The following MKLN1 variants were observed in gnomAD, a reference collection of about 807,000 sequenced individuals.
The protein encoded by MKLN1 is muskelin.
MKLN1 carries 18 observed loss-of-function variants against 99.0 expected under a neutral mutation model. The ratio of observed to expected loss-of-function variants is 0.18; its 90% confidence interval spans 0.13 to 0.27. The LOEUF (loss-of-function observed/expected upper bound fraction) is 0.27, where lower values mean the gene tolerates loss of function less well. MKLN1 is among the 10% of genes least tolerant of loss of function. The pLI is 1.00. For synonymous variants in MKLN1, 288 were observed against 293.2 expected (o/e 0.98, Z 0.18); for missense variants, 621 against 875.9 (o/e 0.71, Z 3.67).
chr7:131,387,319 T>A, intron 3 of MKLN1, 57 bp downstream of exon 3: 1 of 1,478,740 alleles, frequency 6.8e-7, no homozygotes, highest in East Asian at 2.3e-5. Flanking sequence ...AGTCTTAGTC[T>A]TTTTGTAGCT....
intron 8 of MKLN1, among the ~76,000 whole-genome samples, chr7:131,420,119 A>G (rs913227460): frequency 1.3e-5 from 2 of 152,136 alleles, no homozygotes; most frequent in African/African-American, 2.4e-5. Context: ...CAGTACACCA[A>G]CATGGCAAAT....
intron 2 of MKLN1, among the ~76,000 whole-genome samples, chr7:131,172,411 G>A (rs1043592160): frequency 1.3e-5 from 2 of 151,976 alleles, no homozygotes; most frequent in Non-Finnish European, 2.9e-5. Flanking sequence ...CACCTTCTGG[G>A]TTCACGCCAT....
chr7:131,345,385 A>G (rs920408587), intron 1 of MKLN1, among the ~76,000 whole-genome samples: 15 of 152,222 alleles, frequency 9.9e-5, no homozygotes, highest in Non-Finnish European at 2.9e-5. Context: ...TCAGAACTCA[A>G]AAAGTTTTCA....
intron 9 of MKLN1, among the ~76,000 whole-genome samples, chr7:131,435,737 C>A (rs1469053151): frequency 6.6e-6 from 1 of 151,952 alleles, no homozygotes; most frequent in Non-Finnish European, 1.5e-5. Context: ...TAGTGTTAAT[C>A]TTGCTTTCAT....
At chr7:131,405,008 C>T (rs1794658200) in intron 6 of MKLN1, among the ~76,000 whole-genome samples, 1 of 152,116 alleles carries the variant, frequency 6.6e-6, no homozygotes, top group African/African-American at 2.4e-5. Context: ...GTGTTTTTTA[C>T]CTATCAGTTT....
At chr7:131,481,939 G>T (rs773720120) in intron 17 of MKLN1, among the ~76,000 whole-genome samples, 3 of 151,508 alleles carry the variant, frequency 2.0e-5, no homozygotes, top group Non-Finnish European at 4.4e-5. Context: ...AAATTTTAAA[G>T]AATCAGAAAG....
At chr7:131,229,579 G>T (rs1797211133) in intron 3 of MKLN1, among the ~76,000 whole-genome samples, 2 of 151,842 alleles carry the variant, frequency 1.3e-5, no homozygotes, top group Admixed American at 6.6e-5. Context: ...TTGAGACAGG[G>T]TTTCACTCTC....
chr7:131,444,718 GAGTAGT>G (rs60571380), intron 11 of MKLN1, among the ~76,000 whole-genome samples: 13,913 of 128,656 alleles, frequency 0.11, 1,016 homozygotes, highest in Middle Eastern at 0.21. Context: ...CCTGGGTTTT[GAGTAGT>G]AGTAGTAGTA....
At chr7:131,362,163 T>A (rs1335966122) in intron 1 of MKLN1, among the ~76,000 whole-genome samples, 1 of 152,046 alleles carries the variant, frequency 6.6e-6, no homozygotes, top group Non-Finnish European at 1.5e-5. Flanking sequence ...TGAAATACAG[T>A]CACGTGTTGC....
chr7:131,378,792 T>G (rs1793746804), intron 2 of MKLN1, among the ~76,000 whole-genome samples: 4 of 151,786 alleles, frequency 2.6e-5, no homozygotes. Flanking sequence ...ATCATGCCAC[T>G]GCACTCCAGC....
chr7:131,324,249 G>C (rs10233294), upstream of MKLN1: 11,377 of 152,240 alleles, frequency 0.075, 578 homozygotes, highest in African/African-American at 0.15. Context: ...ATAAAGTCTA[G>C]ACCTTCAACC....
intron 3 of MKLN1, among the ~76,000 whole-genome samples, chr7:131,220,765 T>C (rs1420720471): frequency 1.3e-5 from 2 of 152,138 alleles, no homozygotes; most frequent in African/African-American, 4.8e-5. Flanking sequence ...ACAAAAGCCT[T>C]ATGATTGATT....
At chr7:131,265,407 C>G (rs1334694461) in intron 3 of MKLN1, among the ~76,000 whole-genome samples, 1 of 152,164 alleles carries the variant, frequency 6.6e-6, no homozygotes, top group Non-Finnish European at 1.5e-5. Context: ...CTTTCTTCTT[C>G]TGCCTTGCTC....
intron 3 of MKLN1, among the ~76,000 whole-genome samples, chr7:131,301,684 C>T (rs1798379133): frequency 6.6e-6 from 1 of 152,016 alleles, no homozygotes; most frequent in Non-Finnish European, 1.5e-5. Flanking sequence ...GTTTTCTTGC[C>T]CTCTGACCTG....
Position 131,487,869 on chromosome 7 carries a change from T to C in MKLN1, c.*141T>C. On this transcript the variant is annotated 3_prime_UTR_variant, in exon 18 of 18. Coordinates refer to ENST00000352689, the MANE Select transcript of MKLN1 (RefSeq NM_013255.5). The surrounding 1 kb of genome is among the most constrained non-coding windows in gnomAD (Gnocchi z 4.7). ...GAAGGGATCTTAACCATCACAAGTT[T>C]TTACCCTCTTCCTTCATGCCTGACC... is the stretch of plus-strand genomic sequence containing the variant. 1.3e-5 allele frequency: 12 copies of C among 942,542 alleles called. No individual in the cohort carries two copies. The highest frequency in any genetic ancestry group is 1.8e-5 in the Non-Finnish European group (12 of 663,198). The allele number at this position is 942,542 out of a possible 1,614,324, so 58.4% of individuals were successfully genotyped here.
intron 3 of MKLN1, among the ~76,000 whole-genome samples, chr7:131,320,919 G>C (rs183902864): frequency 3.7e-4 from 57 of 152,262 alleles, no homozygotes; most frequent in African/African-American, 1.3e-3. Context: ...TTATTAAAAA[G>C]TCAGGAAACA....
Position 131,487,667 on chromosome 7 carries a change from ATT to A in MKLN1, c.2149_2150del (p.Phe717LeufsTer3). 1 of 1,612,978 alleles carries A rather than the reference ATT, an allele frequency of 6.2e-7. No individual in the cohort carries two copies. Among genetic ancestry groups the A allele is most frequent in the South Asian group, 1.1e-5 (1 of 91,014 alleles). On this transcript the variant is annotated frameshift_variant, in exon 18 of 18. Transcript: ENST00000352689. LOFTEE classifies it high-confidence loss of function. This position sits in a 1 kb window ranked among gnomAD's most constrained non-coding sequence, Gnocchi z 4.7. ...ACTCAGCTCTTTGACACCTTAGTAA[ATT>A]TCTTTCCTGACAGCATGACTCCTCC...
At chr7:131,232,043 A>G (rs1797251662) in intron 3 of MKLN1, among the ~76,000 whole-genome samples, 1 of 152,212 alleles carries the variant, frequency 6.6e-6, no homozygotes, top group Non-Finnish European at 1.5e-5. Flanking sequence ...ATTCATTCCT[A>G]TAATTTTTTA....
At chr7:131,324,446 C>CA (rs1441370476), upstream of MKLN1, 1 of 152,110 alleles carries the variant, frequency 6.6e-6, no homozygotes, top group African/African-American at 2.4e-5. Context: ...GAAGCGGAGG[C>CA]AAAATTAATA....
Sources: gnomAD v4.1 joint callset for allele counts (sites outside exome capture counted in the v4.1 genomes callset) on GRCh38, gnomAD v4.1.1 for gene constraint, Gnocchi (gnomAD v3.1) non-coding constraint, MANE v1.5 for transcripts, NCBI Gene and HGNC (gene_info 2026-07-23, HGNC 2026-07-21) for gene names.